PLOD3: variants seen among roughly 807,000 people sequenced by gnomAD.
PLOD3 encodes procollagen-lysine,2-oxoglutarate 5-dioxygenase 3.
In PLOD3, 73 loss-of-function variants were observed where a neutral mutation model predicts 96.9. The observed-to-expected ratio is 0.75, with a 90% CI of 0.62 to 0.92. PLOD3 has a LOEUF of 0.92. PLOD3 is among the 40% of genes least tolerant of loss of function. PLOD3 has a pLI of 0.00. For synonymous variants in PLOD3, 454 were observed against 413.7 expected (o/e 1.10, Z -1.18); for missense variants, 1,004 against 1,004.3 (o/e 1.00, Z 0.00).
intron 6 of PLOD3, among the ~76,000 whole-genome samples, chr7:101,214,466 A>C (rs888493760): frequency 6.6e-5 from 10 of 152,116 alleles, no homozygotes; most frequent in African/African-American, 2.4e-4. Flanking sequence ...CCCTGAGGCA[A>C]GTCACCAACC....
rs574998127 is a variant in PLOD3 at position 101,206,687 on chromosome 7, G to A, written c.2061+92C>T. 4.3e-6 allele frequency: 6 copies of A among 1,397,236 alleles called. No homozygotes were observed. The African/African-American group carries it at 8.6e-5, about 20-fold the overall frequency. 86.6% of individuals were successfully genotyped at this position (1,397,236 alleles called of 1,614,324 possible). On this transcript the variant is annotated intron_variant, in intron 18 of 18. Transcript: ENST00000223127. ...CACAAAGTCACTGGGAAATGGGCAG[G>A]GAGGGGAGCTGGGGGATGCACGCAG...
intron 6 of PLOD3, among the ~76,000 whole-genome samples, chr7:101,213,921 AC>A (rs1333939210): frequency 6.6e-6 from 1 of 151,086 alleles, no homozygotes; most frequent in Non-Finnish European, 1.5e-5. Flanking sequence ...CTGGCCTTGA[AC>A]TCCTGACCTC....
chr7:101,211,772 G>C (rs1052912530), intron 11 of PLOD3, 56 bp from the exon 12 acceptor site: 37 of 1,590,490 alleles, frequency 2.3e-5, no homozygotes, highest in Non-Finnish European at 3.2e-5. Flanking sequence ...GGGGAGCCCG[G>C]TGCCCAGGGC....
In PLOD3 at chr7:101,216,264, C is replaced by T. The variant is rs1418162919; in HGVS notation, c.401G>A (p.Ser134Asn). Residue 134 changes from serine (S) to asparagine (N), a missense_variant, in exon 4 of 19, where the codon AGC becomes AAC. This residue lies in a region of PLOD3 where 690 missense variants were observed against 650.2 expected (regional missense o/e 1.06). Transcript: ENST00000223127. ...GCTCTCTGCAGAGAAGAGCAGGCGG[C>T]TGCCACTCTGGACGAACTTCTTCAG... ...ELLKKFVQSG[S>N]RLLFSAESFC... The T allele has an allele frequency of 3.1e-6, 5 of 1,613,570 alleles. No homozygotes were observed. In the Admixed American group the frequency reaches 8.3e-5, roughly 27 times the overall value.
rs146795873 is a variant in PLOD3 at position 101,212,553 on chromosome 7, C to G, written c.982G>C (p.Val328Leu). The G allele has an allele frequency of 2.1e-4, 343 of 1,613,632 alleles. 1 individual carries two copies. The highest frequency in any genetic ancestry group is 2.5e-4 in the Non-Finnish European group (299 of 1,179,874). Residue 328 changes from valine to leucine, a missense_variant, in exon 9 of 19, where the codon GTC (valine) becomes CTC (leucine). Val to Leu is a conservative substitution (Grantham distance 32). Coordinates refer to ENST00000223127, the MANE Select transcript of PLOD3 (RefSeq NM_001084.5). The part of the protein sequence containing the change: ...LLLLDYPPDR[V>L]TLFLHNNEVF... ...ACGTTGTTGTGCAGGAAAAGGGTGACCCTGTCGGGGGGATAGTCCAGGAGT... is the reference window on the plus strand; with the variant it reads ...ACGTTGTTGTGCAGGAAAAGGGTGAGCCTGTCGGGGGGATAGTCCAGGAGT...
In PLOD3 at chr7:101,211,882, T is replaced by A. The variant is rs777747589; in HGVS notation, c.1196A>T (p.Asn399Ile). ...FSLDADAVLT[N>I]LQTLRILIEE... is the part of the protein sequence containing the mutation. ...AATGAGGATACGCAGGGTCTGCAGG[T>A]TGGTGAGGACAGCGTCGGCGTCCAG... Residue 399 changes from asparagine to isoleucine, a missense_variant, in exon 11 of 19, where the codon AAC becomes ATC. Asn to Ile is a moderately radical substitution (Grantham distance 149, BLOSUM62 -3). Around this residue, in one of 5 missense-constraint regions of PLOD3, gnomAD observed 690 missense variants for 650.2 expected, o/e 1.06. Coordinates refer to ENST00000223127, the MANE Select transcript of PLOD3 (RefSeq NM_001084.5). 6.2e-7 allele frequency: 1 copy of A among 1,612,596 alleles called. No individual in the cohort carries two copies. Among genetic ancestry groups the A allele is most frequent in the South Asian group, 1.1e-5 (1 of 90,832 alleles).
chr7:101,209,778 C>T lies in PLOD3; in HGVS notation c.1683+315G>A, dbSNP rs185267734. 25 of 293,452 alleles carry T rather than the reference C, an allele frequency of 8.5e-5. No homozygotes were observed. The East Asian group carries it at 1.3e-3, about 15-fold the overall frequency. The allele number at this position is 293,452 out of a possible 1,614,324, so 18.2% of individuals were successfully genotyped here. The stretch of plus-strand genomic sequence containing the variant: ...CTGGTCTTGGACTTCTGGCCTCAAC[C>T]GATCCACCCACCTTGGCCTCCCAAA... On this transcript the variant is annotated intron_variant, in intron 15 of 18. Transcript: ENST00000223127.
chr7:101,212,941 C>G lies in PLOD3; in HGVS notation c.780G>C (p.Leu260=), dbSNP rs1416206668. The G allele has an allele frequency of 2.5e-6, 4 of 1,611,666 alleles. No homozygotes were observed. Among genetic ancestry groups the G allele is most frequent in the Non-Finnish European group, 3.4e-6 (4 of 1,178,002 alleles). The part of the protein sequence containing the change: ...IVVHGNGPTK[L]QLNYLGNYVP... ...CGTAGTTTCCCAGGTAGTTGAGCTGCAGCTGTTGGGGACAGACTGAGGCTG... is the reference window on the plus strand; with the variant it reads ...CGTAGTTTCCCAGGTAGTTGAGCTGGAGCTGTTGGGGACAGACTGAGGCTG... The change falls in exon 8 of 19, where the codon CTG becomes CTC. Residue 260 remains leucine, a splice_region_variant and synonymous_variant. Coordinates refer to ENST00000223127, the MANE Select transcript of PLOD3 (RefSeq NM_001084.5).
intron 5 of PLOD3, 35 bp from the exon 6 acceptor site, chr7:101,215,187 T>TG (rs1275477924): frequency 7.3e-7 from 1 of 1,364,414 alleles, no homozygotes; most frequent in Non-Finnish European, 1.1e-6. Flanking sequence ...GTGGTTAAAA[T>TG]GGAAGGAGTG....
Position 101,217,572 on chromosome 7 carries a change from T to A in PLOD3, c.-298A>T, listed in dbSNP as rs1798300731. 4.3e-6 allele frequency: 2 copies of A among 460,580 alleles called. No homozygotes were observed. The highest frequency in any genetic ancestry group is 8.2e-5 in the Admixed American group (2 of 24,298). The allele number at this position is 460,580 out of a possible 1,614,324, so 28.5% of individuals were successfully genotyped here. On this transcript the variant is annotated 5_prime_UTR_variant, in exon 1 of 19. Transcript: ENST00000223127. Reference sequence around the variant, plus strand: ...GGGACTCTGGGCTGAGCCAGCCGCTTGACACATGTGGAAGCTGAAACCTGG... The same window carrying A: ...GGGACTCTGGGCTGAGCCAGCCGCTAGACACATGTGGAAGCTGAAACCTGG...
chr7:101,209,689 C>T (rs1358968582), intron 15 of PLOD3: 1 of 176,448 alleles, frequency 5.7e-6, no homozygotes, highest in East Asian at 1.5e-4. Context: ...CCACTCCTGG[C>T]CTCATTTCTT....
chr7:101,210,726 C>T, intron 12 of PLOD3, 53 bp from the exon 13 acceptor site: 1 of 1,605,422 alleles, frequency 6.2e-7, no homozygotes, highest in Non-Finnish European at 8.5e-7. Context: ...CAAATTCTGC[C>T]CAGCTCATCC....
At position 101,213,220 on chromosome 7, in the gene PLOD3, G is replaced by A. The variant is rs755690145; in HGVS notation, c.680-16C>T. 2 of 1,569,452 alleles carry A rather than the reference G, an allele frequency of 1.3e-6. No individual in the cohort carries two copies. The highest frequency in any genetic ancestry group is 1.7e-4 in the Middle Eastern group (1 of 5,994). ...ACCACTTCATCTGGGGAAGAAAAAG[G>A]CCAGGCTTCAGACCCCCTTTCTCTG... is the stretch of plus-strand genomic sequence containing the variant. On this transcript the variant is annotated splice_polypyrimidine_tract_variant and intron_variant, in intron 6 of 18. Transcript: ENST00000223127.
In PLOD3 at chr7:101,217,444, T is replaced by C; in HGVS notation, c.-170A>G. ...CTGAAAAAAAGGCGTATCCGGAGGCTACAGAAAGCTCCAGATGCCGGCGCC... is the reference window on the plus strand; with the variant it reads ...CTGAAAAAAAGGCGTATCCGGAGGCCACAGAAAGCTCCAGATGCCGGCGCC... On this transcript the variant is annotated 5_prime_UTR_variant, in exon 1 of 19. Coordinates refer to ENST00000223127, the MANE Select transcript of PLOD3 (RefSeq NM_001084.5). 1.7e-6 allele frequency: 1 copy of C among 578,750 alleles called. No homozygotes were observed. Among genetic ancestry groups the C allele is most frequent in the Non-Finnish European group, 2.7e-6 (1 of 367,550 alleles). 35.9% of individuals were successfully genotyped at this position (578,750 alleles called of 1,614,324 possible).
rs139520583 is a variant in PLOD3 at position 101,208,605 on chromosome 7, T to C, written c.1788+248A>G. The C allele has an allele frequency of 7.5e-4, 363 of 483,170 alleles. 3 individuals carry two copies. In the East Asian group the frequency reaches 0.015, roughly 20 times the overall value. The allele number at this position is 483,170 out of a possible 1,614,324, so 29.9% of individuals were successfully genotyped here. On this transcript the variant is annotated intron_variant, in intron 16 of 18. Coordinates refer to ENST00000223127, the MANE Select transcript of PLOD3 (RefSeq NM_001084.5). ...TCTCGCTATGTTGCCCAGGCTGGCCTCAAACTCCCCCTGCTCGAGCAATCC... is the reference window on the plus strand; with the variant it reads ...TCTCGCTATGTTGCCCAGGCTGGCCCCAAACTCCCCCTGCTCGAGCAATCC...
Position 101,217,231 on chromosome 7 carries a change from G to T in PLOD3, c.44C>A (p.Pro15Gln). 6.7e-7 allele frequency: 1 copy of T among 1,498,982 alleles called. No homozygotes were observed. The allele number at this position is 1,498,982 out of a possible 1,614,324, so 92.9% of individuals were successfully genotyped here. A position where few individuals can be genotyped will look rare whatever the true frequency, so the allele number is the denominator to read the frequency against. Residue 15 changes from proline to glutamine, a missense_variant, in exon 1 of 19, where the codon CCG (proline) becomes CAG (glutamine). By Grantham distance (76) the Pro-to-Gln change is moderately conservative (BLOSUM62 -1). Around this residue, in one of 5 missense-constraint regions of PLOD3, gnomAD observed 690 missense variants for 650.2 expected, o/e 1.06. Coordinates refer to ENST00000223127, the MANE Select transcript of PLOD3 (RefSeq NM_001084.5). ...GPGPRFLLLL[P>Q]LLLPPAASAS... ...TGAGGCCGCAGGGGGCAGCAGCAGC[G>T]GCAGCAGCAGCAGGAACCGGGGTCC... is the stretch of plus-strand genomic sequence containing the variant.
In PLOD3 at chr7:101,210,615, G is replaced by A. The variant is rs770056635; in HGVS notation, c.1417C>T (p.Arg473Trp). ...QAYVIRGDTL[R>W]MELPQRDVFS... Reference sequence around the variant, plus strand: ...ACATCCCTCTGGGGCAGCTCCATCCGCAGGGTATCACCCCGGATCACATAG... The same window carrying A: ...ACATCCCTCTGGGGCAGCTCCATCCACAGGGTATCACCCCGGATCACATAG... Residue 473 changes from arginine to tryptophan, a missense_variant, in exon 13 of 19, where the codon CGG becomes TGG. Arg to Trp is a moderately radical substitution (Grantham distance 101). Around this residue, in one of 5 missense-constraint regions of PLOD3, gnomAD observed 690 missense variants for 650.2 expected, o/e 1.06. Coordinates refer to ENST00000223127, the MANE Select transcript of PLOD3 (RefSeq NM_001084.5). 1.9e-5 allele frequency: 31 copies of A among 1,614,076 alleles called. No individual in the cohort carries two copies. Among genetic ancestry groups the A allele is most frequent in the Non-Finnish European group, 2.5e-5 (29 of 1,179,952 alleles).
At chr7:101,209,491 C>T (rs1798146018) in intron 15 of PLOD3, among the ~76,000 whole-genome samples, 1 of 151,940 alleles carries the variant, frequency 6.6e-6, no homozygotes, top group African/African-American at 2.4e-5. Flanking sequence ...GATTCTCCCA[C>T]CTCAGCCTCC....
rs1193984638 is a variant in PLOD3 at position 101,206,008 on chromosome 7, T to G, written c.*273A>C. Reference sequence around the variant, plus strand: ...CTTACAAACTGTCCTTTATTCAGAGTGAGACTGCGGAACATTAATAATTTA... The same window carrying G: ...CTTACAAACTGTCCTTTATTCAGAGGGAGACTGCGGAACATTAATAATTTA... On this transcript the variant is annotated 3_prime_UTR_variant, in exon 19 of 19. Transcript: ENST00000223127. 2 of 549,616 alleles carry G rather than the reference T, an allele frequency of 3.6e-6. No homozygotes were observed. Among genetic ancestry groups the G allele is most frequent in the Non-Finnish European group, 6.5e-6 (2 of 305,464 alleles). 34.0% of individuals were successfully genotyped at this position (549,616 alleles called of 1,614,324 possible). A position where few individuals can be genotyped will look rare whatever the true frequency, so the allele number is the denominator to read the frequency against.
Sources: gnomAD v4.1 joint callset for allele counts (sites outside exome capture counted in the v4.1 genomes callset) on GRCh38, gnomAD v4.1.1 for gene constraint, gnomAD v4.1.1 regional missense constraint, MANE v1.5 for transcripts, NCBI Gene and HGNC (gene_info 2026-07-23, HGNC 2026-07-21) for gene names.